Variants in LRRTM4 observed in about 807,000 individuals in gnomAD.
The protein encoded by LRRTM4 is leucine rich repeat transmembrane neuronal 4, also known as leucine-rich repeat transmembrane neuronal protein 4.
LRRTM4 carries 25 observed loss-of-function variants against 47.6 expected under a neutral mutation model. The observed-to-expected ratio is 0.53, with a 90% confidence interval of 0.38 to 0.73. LRRTM4 has a LOEUF of 0.73. Ranked by LOEUF, LRRTM4 falls within the 30% of genes least tolerant of loss-of-function variation. LRRTM4 has a pLI of 0.00. For missense variants in LRRTM4, 638 were observed against 713.4 expected, an observed-to-expected ratio of 0.89 and a Z score of 1.20; for synonymous variants, 311 against 269.5, an observed-to-expected ratio of 1.15 and a Z score of -1.51.
intron 3 of LRRTM4, among the ~76,000 whole-genome samples, chr2:76,957,016 G>T (rs1373122037): frequency 6.6e-6 from 1 of 151,662 alleles, no homozygotes; most frequent in African/African-American, 2.4e-5. Context: ...GAAACAAATT[G>T]TGTCCATCAA....
At chr2:77,214,439 G>A (rs1279563501) in intron 3 of LRRTM4, among the ~76,000 whole-genome samples, 1 of 152,088 alleles carries the variant, frequency 6.6e-6, no homozygotes, top group Non-Finnish European at 1.5e-5. Flanking sequence ...AGTAAATGAG[G>A]TTATTGTTAC....
intron 3 of LRRTM4, among the ~76,000 whole-genome samples, chr2:77,090,608 T>C (rs911400918): frequency 5.9e-5 from 9 of 152,132 alleles, no homozygotes; most frequent in South Asian, 2.1e-4. Context: ...TGAACCGCAG[T>C]GGCCAGACCT....
In LRRTM4 at chr2:77,431,096, G is replaced by A. The variant is rs191548728; in HGVS notation, c.1551+87222C>T. 8.2e-4 allele frequency among the ~76,000 whole-genome samples: 122 copies of A among 148,778 alleles called. 5 individuals carry two copies. The highest frequency in any genetic ancestry group is 1.5e-3 in the African/African-American group (58 of 38,250). On this transcript the variant is annotated intron_variant, in intron 3 of 3. Transcript: ENST00000409884. ...TGAGAGTCGCAACATTGGTTTCCCCGGTTCTTCGACTCCAAGACAGCTGTA... is the reference window on the plus strand; with the variant it reads ...TGAGAGTCGCAACATTGGTTTCCCCAGTTCTTCGACTCCAAGACAGCTGTA...
At chr2:76,912,646 T>G (rs1187822348) in intron 3 of LRRTM4, among the ~76,000 whole-genome samples, 1 of 152,220 alleles carries the variant, frequency 6.6e-6, no homozygotes, top group Non-Finnish European at 1.5e-5. Context: ...CACCCAAATG[T>G]CATGAAGAAT....
chr2:77,243,153 C>A (rs1675316884), intron 3 of LRRTM4, among the ~76,000 whole-genome samples: 1 of 152,130 alleles, frequency 6.6e-6, no homozygotes, highest in African/African-American at 2.4e-5. Flanking sequence ...TGGCTCACGC[C>A]TGTAATCCCA....
At chr2:77,256,532 A>T (rs1675771934) in intron 3 of LRRTM4, among the ~76,000 whole-genome samples, 1 of 152,046 alleles carries the variant, frequency 6.6e-6, no homozygotes, top group Admixed American at 6.6e-5. Context: ...GAGCTGTTCC[A>T]TGATAGTGAG....
At chr2:77,329,775 A>G (rs1454269393) in intron 3 of LRRTM4, among the ~76,000 whole-genome samples, 1 of 152,096 alleles carries the variant, frequency 6.6e-6, no homozygotes, top group Non-Finnish European at 1.5e-5. Context: ...TGTAGGTGAG[A>G]GGTGGAGAAG....
intron 3 of LRRTM4, among the ~76,000 whole-genome samples, chr2:77,233,471 T>C (rs1301639502): frequency 6.6e-6 from 1 of 152,204 alleles, no homozygotes; most frequent in Non-Finnish European, 1.5e-5. Context: ...TATCTTGGAA[T>C]TACACTTTTA....
At chr2:77,475,307 G>A (rs1035327619) in intron 3 of LRRTM4, among the ~76,000 whole-genome samples, 1 of 152,008 alleles carries the variant, frequency 6.6e-6, no homozygotes, top group Non-Finnish European at 1.5e-5. Context: ...AAGTTTAGGG[G>A]CGTATTTTTC....
intron 3 of LRRTM4, among the ~76,000 whole-genome samples, chr2:76,795,710 T>C (rs1395426637): frequency 6.6e-6 from 1 of 152,120 alleles, no homozygotes; most frequent in African/African-American, 2.4e-5. Context: ...ATCTTCTACA[T>C]ACTGATGTCG....
chr2:77,267,304 A>G (rs892858732), intron 3 of LRRTM4, among the ~76,000 whole-genome samples: 1 of 152,148 alleles, frequency 6.6e-6, no homozygotes, highest in Admixed American at 6.5e-5. Flanking sequence ...ATAACAATAG[A>G]GCTTTCTTTC....
intron 3 of LRRTM4, among the ~76,000 whole-genome samples, chr2:77,311,225 T>C (rs1277811641): frequency 1.3e-5 from 2 of 152,166 alleles, no homozygotes; most frequent in African/African-American, 4.8e-5. Context: ...GGTTTGCAAA[T>C]GTTGTTACAG....
rs749235565 is a variant in LRRTM4 at position 77,518,723 on chromosome 2, C to G, written c.1146G>C (p.Leu382=). ...TGAAGATGGTAGGTCTAGGGATAAT[C>G]AGAGGTTTCTGGGGAGTTTGGGGCA... The part of the protein sequence containing the change: ...HLVPQTPQKP[L]IIPRPTIFKP... The change falls in exon 3 of 4, where the codon CTG becomes CTC. Residue 382 remains leucine (L), a synonymous_variant. Coordinates refer to ENST00000409884, the MANE Select transcript of LRRTM4 (RefSeq NM_001134745.3). The G allele has an allele frequency of 1.2e-6, 2 of 1,613,472 alleles. No individual in the cohort carries two copies. The highest frequency in any genetic ancestry group is 1.7e-6 in the Non-Finnish European group (2 of 1,179,684).
intron 3 of LRRTM4, among the ~76,000 whole-genome samples, chr2:77,507,476 C>A (rs1174122745): frequency 6.6e-6 from 1 of 152,028 alleles, no homozygotes; most frequent in Non-Finnish European, 1.5e-5. Flanking sequence ...GATTTTAAAT[C>A]ATCTCTTATC....
intron 3 of LRRTM4, among the ~76,000 whole-genome samples, chr2:77,443,063 G>A (rs577446949): frequency 2.0e-5 from 3 of 152,158 alleles, no homozygotes; most frequent in East Asian, 3.9e-4. Context: ...CAAGATCCCC[G>A]TGTCATGACA....
chr2:77,443,695 G>C (rs985130691), intron 3 of LRRTM4, among the ~76,000 whole-genome samples: 2 of 152,036 alleles, frequency 1.3e-5, no homozygotes, highest in Non-Finnish European at 2.9e-5. Flanking sequence ...AAGAAAAACA[G>C]GTAATATGAT....
chr2:77,375,803 A>C (rs1053742750), intron 3 of LRRTM4, among the ~76,000 whole-genome samples: 3 of 151,734 alleles, frequency 2.0e-5, no homozygotes, highest in African/African-American at 7.2e-5. Context: ...CATTGCATGT[A>C]TGTACCACAT....
chr2:76,955,104 A>G (rs903658721), intron 3 of LRRTM4, among the ~76,000 whole-genome samples: 1 of 151,838 alleles, frequency 6.6e-6, no homozygotes, highest in South Asian at 2.1e-4. Flanking sequence ...TTAAAATAAA[A>G]GGACACAAGA....
intron 3 of LRRTM4, among the ~76,000 whole-genome samples, chr2:76,807,927 CCTTTCCTTTCTTTCTTT>C (rs928740439): frequency 3.4e-5 from 4 of 116,222 alleles, no homozygotes; most frequent in African/African-American, 1.2e-4. Flanking sequence ...TCCTTTCTTT[CCTTTCCTTTCTTTCTTT>C]CTTTCTTTCT....
Sources: allele counts gnomAD v4.1 joint callset (sites outside exome capture counted in the v4.1 genomes callset), GRCh38; gene constraint gnomAD v4.1.1; transcripts MANE v1.5; gene names NCBI Gene and HGNC (gene_info 2026-07-23, HGNC 2026-07-21).